The following SYT16 variants were observed in gnomAD, a reference collection of about 807,000 sequenced individuals.
SYT16 encodes synaptotagmin-16.
A neutral mutation model predicts 61.4 loss-of-function variants in SYT16; 42 were observed. That is an observed-to-expected ratio of 0.68 (90% CI 0.53 to 0.89). The LOEUF (loss-of-function observed/expected upper bound fraction) is 0.89, where lower values mean the gene tolerates loss of function less well. Ranked by LOEUF, SYT16 falls within the 40% of genes least tolerant of loss-of-function variation. SYT16 has a pLI of 0.00. For missense variants in SYT16, 804 were observed against 807.3 expected, an observed-to-expected ratio of 1.00 and a Z score of 0.05; for synonymous variants, 314 against 302.3, an observed-to-expected ratio of 1.04 and a Z score of -0.40.
intron 3 of SYT16, among the ~76,000 whole-genome samples, chr14:62,040,916 A>G (rs2054703706): frequency 6.6e-6 from 1 of 152,076 alleles, no homozygotes. Context: ...CTCTAGAGGG[A>G]CAGAACTAAT....
intron 7 of SYT16, among the ~76,000 whole-genome samples, chr14:62,098,612 A>C (rs2141018248): frequency 6.6e-6 from 1 of 152,348 alleles, no homozygotes; most frequent in South Asian, 2.1e-4. Flanking sequence ...TGAAAGAAAA[A>C]GTTGAGCTTC....
chr14:62,061,212 C>T (rs1014023929), intron 3 of SYT16, among the ~76,000 whole-genome samples: 2 of 151,890 alleles, frequency 1.3e-5, no homozygotes, highest in Non-Finnish European at 2.9e-5. Context: ...GGACACAATC[C>T]CTAGAACAAC....
chr14:62,024,105 A>G (rs2054011346), intron 3 of SYT16, among the ~76,000 whole-genome samples: 1 of 152,154 alleles, frequency 6.6e-6, no homozygotes, highest in Non-Finnish European at 1.5e-5. Flanking sequence ...GATATGAACA[A>G]TATCTTTATG....
chr14:61,826,588 C>G (rs2045777973), intron 1 of SYT16, among the ~76,000 whole-genome samples: 1 of 151,950 alleles, frequency 6.6e-6, no homozygotes, highest in Non-Finnish European at 1.5e-5. Flanking sequence ...TTATCATGGA[C>G]TTGTCCTGAA....
intron 3 of SYT16, among the ~76,000 whole-genome samples, chr14:62,007,358 G>A (rs1162807971): frequency 6.6e-6 from 1 of 152,052 alleles, no homozygotes; most frequent in East Asian, 1.9e-4. Flanking sequence ...GATAGTATTT[G>A]CCATCATGTT....
At chr14:61,906,889 A>G (rs1239213286) in intron 1 of SYT16, among the ~76,000 whole-genome samples, 1 of 152,214 alleles carries the variant, frequency 6.6e-6, no homozygotes, top group Non-Finnish European at 1.5e-5. Flanking sequence ...CTGAGGACAC[A>G]ATGGTAAATG....
chr14:61,969,384 T>C (rs10139202), intron 1 of SYT16, among the ~76,000 whole-genome samples: 64,970 of 151,932 alleles, frequency 0.43, 14,481 homozygotes, highest in East Asian at 0.75. Context: ...TATATACTTA[T>C]AGCTGAATGC....
chr14:62,087,487 G>A (rs1000897357), intron 7 of SYT16, among the ~76,000 whole-genome samples: 2 of 152,194 alleles, frequency 1.3e-5, no homozygotes, highest in African/African-American at 2.4e-5. Context: ...CCGACGGGGC[G>A]GTCATGATCA....
At chr14:61,989,158 G>A (rs1029626026) in intron 2 of SYT16, among the ~76,000 whole-genome samples, 2 of 151,764 alleles carry the variant, frequency 1.3e-5, no homozygotes, top group Non-Finnish European at 2.9e-5. Context: ...TTTTTTCCGT[G>A]GTATTAGCTC....
intron 1 of SYT16, among the ~76,000 whole-genome samples, chr14:61,821,698 A>T (rs1229025100): frequency 1.3e-5 from 2 of 152,214 alleles, no homozygotes; most frequent in Admixed American, 1.3e-4. Context: ...GTGACATTCC[A>T]TCACCTTTGC....
At position 61,853,410 on chromosome 14, in the gene SYT16, C is replaced by T. The variant is rs118070176; in HGVS notation, c.-325+40600C>T. 8.8e-3 allele frequency among the ~76,000 whole-genome samples: 1,343 copies of T among 152,268 alleles called. 10 individuals carry two copies. Among genetic ancestry groups the T allele is most frequent in the Non-Finnish European group, 0.013 (904 of 68,016 alleles). ...TTGAGAGTTTGTGTCTCCCCAAGTA[C>T]ATGTGTTGAAATCCTAACCCTCAAG... On this transcript the variant is annotated intron_variant, in intron 1 of 7. Transcript: ENST00000683842.
rs956142612 is a variant in SYT16 at position 62,111,806 on chromosome 14, C to A, written c.*11099C>A. On this transcript the variant is annotated 3_prime_UTR_variant, in exon 8 of 8. Transcript: ENST00000683842. ...AAAATTTCTCCTCAAAAGAATTGAA[C>A]CCTTACTTTAGAAACTTCTGACAAT... 6.6e-6 allele frequency: 1 copy of A among 152,032 alleles called. No individual in the cohort carries two copies. The highest frequency in any genetic ancestry group is 1.5e-5 in the Non-Finnish European group (1 of 67,932). The allele number at this position is 152,032 out of a possible 1,614,324, so 9.4% of individuals were successfully genotyped here.
intron 3 of SYT16, among the ~76,000 whole-genome samples, chr14:62,060,119 C>T (rs1219926756): frequency 1.3e-5 from 2 of 152,030 alleles, no homozygotes; most frequent in African/African-American, 2.4e-5. Context: ...TTTTCTTAAA[C>T]ACTTCAGAGT....
intron 3 of SYT16, among the ~76,000 whole-genome samples, chr14:62,039,343 A>G (rs2054626654): frequency 1.3e-5 from 2 of 152,186 alleles, no homozygotes; most frequent in African/African-American, 2.4e-5. Flanking sequence ...GGGAGCAGTA[A>G]TGAATGATAT....
chr14:61,967,240 T>C (rs2051351862), intron 1 of SYT16, among the ~76,000 whole-genome samples: 4 of 152,022 alleles, frequency 2.6e-5, no homozygotes, highest in African/African-American at 9.7e-5. Flanking sequence ...TGTTGGAGAA[T>C]GATGAGCGAT....
intron 3 of SYT16, among the ~76,000 whole-genome samples, chr14:62,016,845 A>G (rs2053706432): frequency 6.6e-6 from 1 of 152,186 alleles, no homozygotes; most frequent in Non-Finnish European, 1.5e-5. Context: ...TGATGTACAT[A>G]TTTGAGCTCT....
At chr14:61,989,954 A>G (rs768828105) in intron 2 of SYT16, among the ~76,000 whole-genome samples, 1 of 152,068 alleles carries the variant, frequency 6.6e-6, no homozygotes, top group African/African-American at 2.4e-5. Context: ...CTGTATCCGT[A>G]TTTTTGCCAG....
chr14:61,915,636 A>G (rs1240191869), intron 1 of SYT16, among the ~76,000 whole-genome samples: 2 of 152,194 alleles, frequency 1.3e-5, no homozygotes, highest in African/African-American at 4.8e-5. Flanking sequence ...AACACATACC[A>G]TGATGAGCAA....
intron 1 of SYT16, among the ~76,000 whole-genome samples, chr14:61,898,769 C>G (rs2048413487): frequency 6.6e-6 from 1 of 152,114 alleles, no homozygotes; most frequent in Admixed American, 6.5e-5. Flanking sequence ...GTGCCAACAT[C>G]TCACTCCGGG....
Sources: allele counts gnomAD v4.1 joint callset (sites outside exome capture counted in the v4.1 genomes callset), GRCh38; gene constraint gnomAD v4.1.1; transcripts MANE v1.5; gene names NCBI Gene and HGNC (gene_info 2026-07-23, HGNC 2026-07-21).